The following ADGRV1 variants were observed in gnomAD, a reference collection of about 807,000 sequenced individuals.
The protein encoded by ADGRV1 is G-protein coupled receptor 98.
A neutral mutation model predicts 596.2 loss-of-function variants in ADGRV1; 359 were observed. The observed-to-expected ratio is 0.60, with a 90% CI of 0.55 to 0.66. The LOEUF is 0.66. Among genes scored for constraint, ADGRV1 ranks in the 30% least tolerant of loss-of-function variants. ADGRV1 has a pLI of 0.00. For synonymous variants in ADGRV1, 2,681 were observed against 2,679.2 expected (o/e 1.00, Z -0.02); for missense variants, 7,274 against 7,575.6 (o/e 0.96, Z 1.48).
At chr5:91,123,598 G>A (rs1793509726) in intron 87 of ADGRV1, among the ~76,000 whole-genome samples, 1 of 152,088 alleles carries the variant, frequency 6.6e-6, no homozygotes, top group Non-Finnish European at 1.5e-5. Context: ...CATGAATTTT[G>A]GAGGCAATTG....
chr5:90,956,422 A>G (rs1777485292), intron 83 of ADGRV1, among the ~76,000 whole-genome samples: 2 of 152,206 alleles, frequency 1.3e-5, no homozygotes, highest in African/African-American at 4.8e-5. Flanking sequence ...TACCATCAGT[A>G]AAGTAGTAGA....
intron 86 of ADGRV1, among the ~76,000 whole-genome samples, chr5:91,100,430 T>C (rs899655302): frequency 7.0e-5 from 10 of 143,844 alleles, no homozygotes; most frequent in Admixed American, 6.4e-4. Flanking sequence ...TATGACCCTA[T>C]GTGAAAGAAA....
intron 83 of ADGRV1, among the ~76,000 whole-genome samples, chr5:90,924,809 A>G (rs1417531994): frequency 3.3e-5 from 5 of 151,936 alleles, no homozygotes; most frequent in Admixed American, 6.6e-5. Context: ...TGATTTTTGT[A>G]TAAGGTGTAA....
intron 83 of ADGRV1, among the ~76,000 whole-genome samples, chr5:90,964,488 C>A (rs751261629): frequency 1.3e-5 from 2 of 151,712 alleles, no homozygotes; most frequent in East Asian, 3.9e-4. Flanking sequence ...CCAAGTTTCC[C>A]CCTGCCATCT....
intron 1 of ADGRV1, among the ~76,000 whole-genome samples, chr5:90,602,753 G>T (rs1276967655): frequency 6.6e-6 from 1 of 152,214 alleles, no homozygotes; most frequent in Non-Finnish European, 1.5e-5. Flanking sequence ...CTGGAATAAA[G>T]TGTTGACTTT....
At chr5:90,939,295 T>G (rs557625124) in intron 83 of ADGRV1, among the ~76,000 whole-genome samples, 1 of 152,298 alleles carries the variant, frequency 6.6e-6, no homozygotes, top group South Asian at 2.1e-4. Flanking sequence ...GAGAAATCAC[T>G]CTTAAAAGCA....
intron 87 of ADGRV1, among the ~76,000 whole-genome samples, chr5:91,140,444 A>G (rs1042036606): frequency 6.6e-6 from 1 of 152,236 alleles, no homozygotes; most frequent in African/African-American, 2.4e-5. Context: ...TTATAACAAG[A>G]TTTAAATAAA....
chr5:90,702,466 G>A (rs2149680278), intron 34 of ADGRV1, among the ~76,000 whole-genome samples: 1 of 151,828 alleles, frequency 6.6e-6, no homozygotes, highest in East Asian at 1.9e-4. Context: ...TTAAAATTGT[G>A]TTTAAATTTA....
chr5:91,050,035 T>C (rs1302113765), intron 85 of ADGRV1, among the ~76,000 whole-genome samples: 1 of 152,222 alleles, frequency 6.6e-6, no homozygotes, highest in Admixed American at 6.5e-5. Flanking sequence ...GATGTCCTCC[T>C]CCAGATCCTG....
chr5:90,685,482 G>A (rs1745483644), intron 28 of ADGRV1, among the ~76,000 whole-genome samples: 1 of 151,982 alleles, frequency 6.6e-6, no homozygotes, highest in Non-Finnish European at 1.5e-5. Flanking sequence ...CTACTCTGGA[G>A]GCTGAGGCAG....
chr5:90,708,999 T>C (rs1748975373), intron 39 of ADGRV1, 90 bp downstream of exon 39: 1 of 880,886 alleles, frequency 1.1e-6, no homozygotes, highest in Non-Finnish European at 1.9e-6. Flanking sequence ...CATTGTGCTG[T>C]TTTGTTAATC....
chr5:90,571,886 A>G (rs2151956944), intron 1 of ADGRV1, among the ~76,000 whole-genome samples: 1 of 152,278 alleles, frequency 6.6e-6, no homozygotes, highest in African/African-American at 2.4e-5. Context: ...ATTCAGCTGT[A>G]TTTCTTTAAT....
At chr5:90,927,535 C>A (rs951303280) in intron 83 of ADGRV1, among the ~76,000 whole-genome samples, 1 of 152,144 alleles carries the variant, frequency 6.6e-6, no homozygotes, top group African/African-American at 2.4e-5. Context: ...TGTCTCTGCA[C>A]GTGAGATGCG....
intron 83 of ADGRV1, among the ~76,000 whole-genome samples, chr5:90,874,657 C>T (rs759017779): frequency 5.9e-5 from 9 of 151,930 alleles, no homozygotes; most frequent in Non-Finnish European, 8.8e-5. Context: ...GTCAGGAGAT[C>T]GAGACCATCC....
chr5:90,961,266 C>T (rs555003710), intron 83 of ADGRV1, among the ~76,000 whole-genome samples: 1 of 152,002 alleles, frequency 6.6e-6, no homozygotes, highest in African/African-American at 2.4e-5. Context: ...TTTGGGAGGC[C>T]GAAGCGGGCG....
rs1203343049 is a variant in ADGRV1 at position 90,605,395 on chromosome 5, T to TA, written c.23-9439dup. On this transcript the variant is annotated intron_variant, in intron 1 of 89. Transcript: ENST00000405460. Reference sequence around the variant, plus strand: ...GCGCCACTGCACTCCAGCCTGGTGATAGAGCGAGACTACGTCTTAAAAAAA... The same window carrying TA: ...GCGCCACTGCACTCCAGCCTGGTGATAAGAGCGAGACTACGTCTTAAAAAAA... Among the ~76,000 whole-genome samples the TA allele has an allele frequency of 1.2e-4, 18 of 145,418 alleles. No homozygotes were observed. In the East Asian group the frequency reaches 2.0e-3, roughly 16 times the overall value.
Position 90,967,587 on chromosome 5 carries a change from C to T in ADGRV1, c.17973+2056C>T, listed in dbSNP as rs148037315. On this transcript the variant is annotated intron_variant, in intron 84 of 89. Coordinates refer to ENST00000405460, the MANE Select transcript of ADGRV1 (RefSeq NM_032119.4). ...GCTATGCTAAAGGTCTTTGTCCATGCCCCTGACCTATTCAGAATTTTTGAT... is the reference window on the plus strand; with the variant it reads ...GCTATGCTAAAGGTCTTTGTCCATGTCCCTGACCTATTCAGAATTTTTGAT... 1.9e-3 allele frequency among the ~76,000 whole-genome samples: 286 copies of T among 152,168 alleles called. 2 individuals carry two copies. The highest frequency in any genetic ancestry group is 6.5e-3 in the African/African-American group (269 of 41,518).
At chr5:90,972,335 C>T (rs1216003395) in intron 84 of ADGRV1, among the ~76,000 whole-genome samples, 3 of 152,146 alleles carry the variant, frequency 2.0e-5, no homozygotes, top group Non-Finnish European at 4.4e-5. Flanking sequence ...TTGAACTCAG[C>T]TCTGCACCAA....
chr5:90,728,961 T>G, intron 49 of ADGRV1, 28 bp downstream of exon 49: 1 of 1,447,258 alleles, frequency 6.9e-7, no homozygotes, highest in Non-Finnish European at 9.4e-7. Flanking sequence ...TTGTAGTGTA[T>G]ATATAATTAT....
Sources: gnomAD v4.1 joint callset for allele counts (sites outside exome capture counted in the v4.1 genomes callset) on GRCh38, gnomAD v4.1.1 for gene constraint, MANE v1.5 for transcripts, NCBI Gene and HGNC (gene_info 2026-07-23, HGNC 2026-07-21) for gene names.